Variants in SYNJ2 observed in about 807,000 individuals in gnomAD.
The protein encoded by SYNJ2 is synaptojanin 2, also known as polyphosphatidylinositol phosphatase SYNJ2.
Under a neutral mutation model 141.3 loss-of-function variants are expected in SYNJ2, and 116 were observed. The observed-to-expected ratio is 0.82, with a 90% CI of 0.71 to 0.96. SYNJ2 has a LOEUF of 0.96. SYNJ2 is among the 40% of genes least tolerant of loss of function. The pLI is 0.00. For missense variants in SYNJ2, 1,873 were observed against 1,934.8 expected (o/e 0.97, Z 0.60); for synonymous variants, 745 against 777.7 (o/e 0.96, Z 0.70).
intron 26 of SYNJ2, 30 bp downstream of exon 26, chr6:158,093,134 C>T (rs1232730821): frequency 6.3e-7 from 1 of 1,597,272 alleles, no homozygotes; most frequent in Non-Finnish European, 8.5e-7. Flanking sequence ...AAACCTCTTA[C>T]TCCTAAGTTG....
At chr6:158,046,404 C>T (rs1367506722) in intron 5 of SYNJ2, among the ~76,000 whole-genome samples, 1 of 152,178 alleles carries the variant, frequency 6.6e-6, no homozygotes, top group African/African-American at 2.4e-5. Flanking sequence ...GGGAGGGCAG[C>T]GGGAAGTGGT....
At chr6:158,090,325 A>G (rs1321071915) in intron 25 of SYNJ2, among the ~76,000 whole-genome samples, 1 of 152,150 alleles carries the variant, frequency 6.6e-6, no homozygotes, top group East Asian at 1.9e-4. Flanking sequence ...TACCTTTTAA[A>G]TCACTGGCAA....
At position 158,064,607 on chromosome 6, in the gene SYNJ2, CATCT is replaced by C. The variant is rs774565689; in HGVS notation, c.1217_1220del (p.His406ArgfsTer8). 3.7e-6 allele frequency: 6 copies of C among 1,613,740 alleles called. No homozygotes were observed. The highest frequency in any genetic ancestry group is 1.6e-4 in the Middle Eastern group (1 of 6,062). On this transcript the variant is annotated frameshift_variant, in exon 10 of 27. Transcript: ENST00000355585. LOFTEE classifies it high-confidence loss of function. The stretch of plus-strand genomic sequence containing the variant: ...ATCCCTTATTCCTCCCCAGGTCCTG[CATCT>C]GCAGCTCAAGACCCTGGGGCTGAGT...
chr6:158,068,410 C>T (rs1583453800), intron 12 of SYNJ2, among the ~76,000 whole-genome samples: 1 of 152,250 alleles, frequency 6.6e-6, no homozygotes, highest in African/African-American at 2.4e-5. Context: ...TTCTGACCTC[C>T]CCTGTTCAAA....
At chr6:158,092,863 G>C (rs1193972633) in intron 25 of SYNJ2, 63 bp from the exon 26 acceptor site, 2 of 1,461,362 alleles carry the variant, frequency 1.4e-6, no homozygotes, top group Admixed American at 4.7e-5. Context: ...ACTGTCTAAG[G>C]ACGAAATCAT....
chr6:158,027,893 A>G lies in SYNJ2; in HGVS notation c.215-863A>G, dbSNP rs907191648. ...AGAGGCAGGATGGTCCCTACGGAGC[A>G]TGTGGGGACGCTCGTGTTCTTCCAG... On this transcript the variant is annotated intron_variant, in intron 2 of 26. Transcript: ENST00000355585. The surrounding 1 kb of genome is among the most constrained non-coding windows in gnomAD (Gnocchi z 4.6). The G allele has an allele frequency of 1.3e-5, 2 of 152,390 alleles. No homozygotes were observed. The highest frequency in any genetic ancestry group is 4.8e-5 in the African/African-American group (2 of 41,424). The allele number at this position is 152,390 out of a possible 1,614,324, so 9.4% of individuals were successfully genotyped here. A position where few individuals can be genotyped will look rare whatever the true frequency, so the allele number is the denominator to read the frequency against.
intron 25 of SYNJ2, among the ~76,000 whole-genome samples, chr6:158,090,702 G>C (rs1038149887): frequency 1.3e-5 from 2 of 151,796 alleles, no homozygotes. Context: ...GCAGCCCCAT[G>C]ATGAGCCAAT....
At chr6:158,083,317 T>G (rs900283330) in intron 20 of SYNJ2, 112 bp from the exon 21 acceptor site, 55 of 1,294,734 alleles carry the variant, frequency 4.2e-5, no homozygotes, top group Non-Finnish European at 5.1e-5. Context: ...CAGGGCCAAA[T>G]GTGAAGATTG....
rs371916779 is a variant in SYNJ2, at chr6:158,095,897, G to A, written c.4024G>A (p.Ala1342Thr). Reference protein sequence around the residue: ...VPPRRKKSAPAAFHLQVLQSN... With the variant: ...VPPRRKKSAPTAFHLQVLQSN... ...CCCGAGGAGGAAGAAGTCAGCCCCC[G>A]CAGCCTTCCACCTGCAGGTCCTGCA... Residue 1342 changes from alanine (A) to threonine (T), a missense_variant, in exon 27 of 27, where the codon GCA (alanine) becomes ACA (threonine). Transcript: ENST00000355585. 2.6e-5 allele frequency: 42 copies of A among 1,613,954 alleles called. No individual in the cohort carries two copies. Among genetic ancestry groups the A allele is most frequent in the Admixed American group, 5.0e-5 (3 of 60,002 alleles).
chr6:157,991,015 A>C (rs1327157839), intron 1 of SYNJ2, among the ~76,000 whole-genome samples: 1 of 152,142 alleles, frequency 6.6e-6, no homozygotes, highest in Non-Finnish European at 1.5e-5. Context: ...CCCAAGCCCC[A>C]GTCTCTTTTT....
At position 158,062,027 on chromosome 6, in the gene SYNJ2, G is replaced by A. The variant is rs750486579; in HGVS notation, c.990G>A (p.Thr330=). ...LLWASCHAGD[T]PMINFDFHQF... is the part of the protein sequence containing the mutation. ...GGGCTTCTTGCCACGCGGGCGACACGCCTATGATCAATTTTGACTTCCATC... is the reference window on the plus strand; with the variant it reads ...GGGCTTCTTGCCACGCGGGCGACACACCTATGATCAATTTTGACTTCCATC... The change falls in exon 8 of 27, where the codon ACG becomes ACA. Residue 330 remains threonine, a synonymous_variant. Transcript: ENST00000355585. 4.2e-5 allele frequency: 67 copies of A among 1,613,944 alleles called. No homozygotes were observed. The highest frequency in any genetic ancestry group is 5.0e-5 in the Non-Finnish European group (59 of 1,180,028).
chr6:158,064,256 C>T (rs892912701), intron 9 of SYNJ2, among the ~76,000 whole-genome samples: 9 of 151,684 alleles, frequency 5.9e-5, no homozygotes, highest in Admixed American at 4.6e-4. Context: ...GCCCCAGCTG[C>T]CTGGTTGACC....
At chr6:158,095,363 T>G (rs1783736443) in intron 26 of SYNJ2, among the ~76,000 whole-genome samples, 1 of 152,340 alleles carries the variant, frequency 6.6e-6, no homozygotes, top group African/African-American at 2.4e-5. Flanking sequence ...GATTATTTAC[T>G]GTGGCCCTGG....
At position 157,985,127 on chromosome 6, in the gene SYNJ2, T is replaced by C. The variant is rs776396618; in HGVS notation, c.127+3039T>C. Among the ~76,000 whole-genome samples the C allele has an allele frequency of 2.5e-4, 38 of 152,220 alleles. 2 individuals carry two copies. Among genetic ancestry groups the C allele is most frequent in the Admixed American group, 1.3e-4 (2 of 15,284 alleles). On this transcript the variant is annotated intron_variant, in intron 1 of 26. Transcript: ENST00000355585. ...ACCTCTCGCCGAAGGGGCTGGGTGG[T>C]TCCTTATCATTTTCAGGCAAGGCCT...
intron 2 of SYNJ2, among the ~76,000 whole-genome samples, chr6:158,026,017 A>ATACATACG (rs1779027868): frequency 6.6e-6 from 1 of 152,124 alleles, no homozygotes; most frequent in East Asian, 1.9e-4. Context: ...ACATACATAC[A>ATACATACG]GGGTACAGCA....
chr6:158,039,104 C>G (rs1201572346), intron 4 of SYNJ2, among the ~76,000 whole-genome samples: 2 of 152,244 alleles, frequency 1.3e-5, no homozygotes, highest in African/African-American at 4.8e-5. Context: ...AAGCAAGAAA[C>G]TCCTGTTGCC....
intron 4 of SYNJ2, among the ~76,000 whole-genome samples, chr6:158,035,245 G>C (rs993380396): frequency 4.6e-5 from 7 of 152,296 alleles, no homozygotes; most frequent in Admixed American, 1.3e-4. Context: ...AATAGGAATA[G>C]CTTTGAATCC....
In SYNJ2 at chr6:158,083,992, T is replaced by A. The variant is rs777841429; in HGVS notation, c.3035-9T>A. 1 of 1,614,036 alleles carries A rather than the reference T, an allele frequency of 6.2e-7. No homozygotes were observed. The highest frequency in any genetic ancestry group is 8.5e-7 in the Non-Finnish European group (1 of 1,179,902). Reference sequence around the variant, plus strand: ...TTCACCCGAATTGTGATTCATTTCCTTCTCCCAGGGGATATTCTTGAAGAC... The same window carrying A: ...TTCACCCGAATTGTGATTCATTTCCATCTCCCAGGGGATATTCTTGAAGAC... On this transcript the variant is annotated splice_polypyrimidine_tract_variant and intron_variant, in intron 21 of 26. Transcript: ENST00000355585.
rs1783567786 is a variant in SYNJ2 at position 158,093,035 on chromosome 6, A to C, written c.3675A>C (p.Pro1225=). 6.2e-7 allele frequency: 1 copy of C among 1,610,842 alleles called. No individual in the cohort carries two copies. Among genetic ancestry groups the C allele is most frequent in the African/African-American group, 1.3e-5 (1 of 74,418 alleles). Residue 1225 remains proline (P), a synonymous_variant, in exon 26 of 27, where the codon CCA becomes CCC. Coordinates refer to ENST00000355585, the MANE Select transcript of SYNJ2 (RefSeq NM_003898.4). ...AAKPETPQAP[P]LLPRRPPPRV... The stretch of plus-strand genomic sequence containing the variant: ...AACCAGAGACCCCACAGGCGCCCCC[A>C]CTCCTTCCCCGTCGGCCCCCACCCA...
Sources: allele counts gnomAD v4.1 joint callset (sites outside exome capture counted in the v4.1 genomes callset), GRCh38; gene constraint gnomAD v4.1.1; non-coding constraint Gnocchi (gnomAD v3.1); transcripts MANE v1.5; gene names NCBI Gene and HGNC (gene_info 2026-07-23, HGNC 2026-07-21).